TMEM67: variants seen among roughly 807,000 people sequenced by gnomAD.
TMEM67 encodes meckelin.
In TMEM67, 124 loss-of-function variants were observed where a neutral mutation model predicts 136.6. The observed-to-expected ratio is 0.91, with a 90% CI of 0.78 to 1.05. The LOEUF (loss-of-function observed/expected upper bound fraction) is 1.05. Ranked by LOEUF, TMEM67 falls within the 50% of genes least tolerant of loss-of-function variation. TMEM67 has a pLI of 0.00. For synonymous variants in TMEM67, 364 were observed against 390.5 expected (o/e 0.93, Z 0.80); for missense variants, 1,107 against 1,178.4 (o/e 0.94, Z 0.89).
chr8:93,774,914 A>G (rs1813472924), intron 7 of TMEM67, among the ~76,000 whole-genome samples: 1 of 152,208 alleles, frequency 6.6e-6, no homozygotes. Flanking sequence ...TTCTAGTTCT[A>G]GATCCTTGAG....
chr8:93,793,205 T>C lies in TMEM67; in HGVS notation c.1583T>C (p.Leu528Ser). Residue 528 changes from leucine (L) to serine (S), a missense_variant, in exon 16 of 28, where the codon TTG becomes TCG. Leu to Ser is a moderately radical substitution (Grantham distance 145). Coordinates refer to ENST00000453321, the MANE Select transcript of TMEM67 (RefSeq NM_153704.6). ...TGTTCTTTTGTTTTTTAGATTGCTT[T>C]GGGTGTATTGGGTGGGCTAGCTGTT... ...GEAHVQTDIA[L>S]GVLGGLAVLA... 1 of 1,613,942 alleles carries C rather than the reference T, an allele frequency of 6.2e-7. No individual in the cohort carries two copies. Among genetic ancestry groups the C allele is most frequent in the Non-Finnish European group, 8.5e-7 (1 of 1,179,832 alleles).
chr8:93,831,932 G>A, the TMEM67 span, among the ~76,000 whole-genome samples: 1 of 152,310 alleles, frequency 6.6e-6, no homozygotes, highest in Non-Finnish European at 1.5e-5. Flanking sequence ...TGAAAGTCGG[G>A]AGTAATGGAG....
chr8:93,774,528 C>T (rs1813456763), intron 7 of TMEM67, among the ~76,000 whole-genome samples: 2 of 152,128 alleles, frequency 1.3e-5, no homozygotes, highest in Non-Finnish European at 2.9e-5. Context: ...CACCCAAAGA[C>T]AGGCCCCAGT....
intron 14 of TMEM67, among the ~76,000 whole-genome samples, chr8:93,789,860 C>CA (rs1814296502): frequency 6.6e-6 from 1 of 151,198 alleles, no homozygotes; most frequent in African/African-American, 2.4e-5. Flanking sequence ...CAGTTGAGGT[C>CA]AGGAGTTAGA....
chr8:93,783,725 A>G (rs1213297915), intron 11 of TMEM67, among the ~76,000 whole-genome samples: 4 of 152,208 alleles, frequency 2.6e-5, no homozygotes, highest in African/African-American at 9.6e-5. Flanking sequence ...ACTTACAATC[A>G]TGGTGGAAGG....
At chr8:93,767,565 C>T (rs1813131320) in intron 6 of TMEM67, among the ~76,000 whole-genome samples, 2 of 152,154 alleles carry the variant, frequency 1.3e-5, no homozygotes, top group East Asian at 1.9e-4. Context: ...ATCTCTTCTT[C>T]CCCATTCATA....
At position 93,755,775 on chromosome 8, in the gene TMEM67, T is replaced by C. The variant is rs746982935; in HGVS notation, c.224-3T>C. The C allele has an allele frequency of 7.8e-7, 1 of 1,281,726 alleles. No individual in the cohort carries two copies. The highest frequency in any genetic ancestry group is 2.4e-5 in the East Asian group (1 of 41,306). The allele number at this position is 1,281,726 out of a possible 1,614,324, so 79.4% of individuals were successfully genotyped here. A position where few individuals can be genotyped will look rare whatever the true frequency, so the allele number is the denominator to read the frequency against. On this transcript the variant is annotated splice_region_variant and splice_polypyrimidine_tract_variant and intron_variant, in intron 1 of 27. Coordinates refer to ENST00000453321, the MANE Select transcript of TMEM67 (RefSeq NM_153704.6). ...GCTTTTTTTTTTTTTTTTTTTTTTTTAGGAACTTCATGTGTATGTCTACCA... is the reference window on the plus strand; with the variant it reads ...GCTTTTTTTTTTTTTTTTTTTTTTTCAGGAACTTCATGTGTATGTCTACCA...
intron 6 of TMEM67, among the ~76,000 whole-genome samples, chr8:93,771,832 T>G (rs1813338914): frequency 6.6e-6 from 1 of 152,354 alleles, no homozygotes; most frequent in Middle Eastern, 3.4e-3. Flanking sequence ...AAATAATTTT[T>G]GCTTATTAAA....
At chr8:93,788,047 T>A (rs976329408) in intron 14 of TMEM67, 98 bp downstream of exon 14, 19 of 847,346 alleles carry the variant, frequency 2.2e-5, no homozygotes, top group African/African-American at 1.0e-4. Flanking sequence ...TTTTTTTTTT[T>A]AAGTTCTAAA....
chr8:93,783,629 TAAA>T (rs890883656), intron 11 of TMEM67, among the ~76,000 whole-genome samples: 2 of 152,206 alleles, frequency 1.3e-5, no homozygotes, highest in Non-Finnish European at 2.9e-5. Flanking sequence ...ACGCTGCTAA[TAAA>T]AACACATCCG....
intron 3 of TMEM67, among the ~76,000 whole-genome samples, chr8:93,761,235 G>T (rs189940816): frequency 2.0e-5 from 3 of 152,150 alleles, no homozygotes; most frequent in Non-Finnish European, 4.4e-5. Context: ...GGAGGTGGAG[G>T]TTACAGTGAG....
chr8:93,777,214 T>G (rs1813588517), intron 7 of TMEM67, among the ~76,000 whole-genome samples: 1 of 152,212 alleles, frequency 6.6e-6, no homozygotes, highest in African/African-American at 2.4e-5. Context: ...TTATCATTTT[T>G]TATTGCGTCT....
At chr8:93,791,377 C>A in intron 15 of TMEM67, 58 bp downstream of exon 15, 1 of 1,261,766 alleles carries the variant, frequency 7.9e-7, no homozygotes, top group South Asian at 1.3e-5. Flanking sequence ...TAAATGATTT[C>A]AGATGTGCAA....
chr8:93,811,793 C>T (rs917411982), intron 26 of TMEM67, among the ~76,000 whole-genome samples: 2 of 151,880 alleles, frequency 1.3e-5, no homozygotes, highest in African/African-American at 4.8e-5. Flanking sequence ...GCGCCGAGAT[C>T]GCACCACTGC....
chr8:93,756,663 A>T (rs1183022227), intron 2 of TMEM67: 1 of 152,136 alleles, frequency 6.6e-6, no homozygotes, highest in Non-Finnish European at 1.5e-5. Context: ...CATTTATTTT[A>T]TATCTTTGCA....
chr8:93,788,033 C>CT (rs376142937), intron 14 of TMEM67, 84 bp downstream of exon 14: 20,736 of 761,766 alleles, frequency 0.027, 49 homozygotes, highest in African/African-American at 0.054. Context: ...AAAAGACAGT[C>CT]TTTTTTTTTT....
intron 22 of TMEM67, 93 bp downstream of exon 22, chr8:93,803,777 G>T (rs1203531366): frequency 9.8e-6 from 8 of 816,450 alleles, no homozygotes; most frequent in Non-Finnish European, 1.5e-5. Context: ...GATTTGGTAT[G>T]ATTGAATTTT....
In TMEM67 at chr8:93,786,252, C is replaced by T. The variant is rs774746409; in HGVS notation, c.1318C>T (p.Arg440Trp). Reference protein sequence around the residue: ...DSNSGKWLLTRRIFLVDAVSG... With the variant: ...DSNSGKWLLTWRIFLVDAVSG... ...CAACTCTGGAAAGTGGCTTCTAACT[C>T]GGCGCATTTTCTTAGTGGATGCAGT... Residue 440 changes from arginine to tryptophan, a missense_variant, in exon 13 of 28, where the codon CGG (arginine) becomes TGG (tryptophan). Arg to Trp is a moderately radical substitution (Grantham distance 101). Around this residue, in one of 3 missense-constraint regions of TMEM67, gnomAD observed 925 missense variants for 1,002.4 expected, o/e 0.92. Transcript: ENST00000453321. 2.5e-6 allele frequency: 4 copies of T among 1,613,876 alleles called. No homozygotes were observed. Among genetic ancestry groups the T allele is most frequent in the Non-Finnish European group, 3.4e-6 (4 of 1,179,974 alleles).
the TMEM67 span, among the ~76,000 whole-genome samples, chr8:93,828,277 A>G: frequency 9.9e-5 from 15 of 152,266 alleles, no homozygotes; most frequent in African/African-American, 2.4e-4. Context: ...ACATGTAGCC[A>G]TATGCATTCA....
Sources: allele counts gnomAD v4.1 joint callset (sites outside exome capture counted in the v4.1 genomes callset), GRCh38; gene constraint gnomAD v4.1.1; regional missense constraint gnomAD v4.1.1; transcripts MANE v1.5; gene names NCBI Gene and HGNC (gene_info 2026-07-23, HGNC 2026-07-21).